Variants in PCDHA12 observed in about 807,000 individuals in gnomAD.
PCDHA12 encodes the protein protocadherin alpha 12.
PCDHA12 carries 44 observed loss-of-function variants against 60.0 expected under a neutral mutation model. That is an observed-to-expected ratio of 0.73 (90% CI 0.58 to 0.94). The LOEUF is 0.94. PCDHA12 is among the 40% of genes least tolerant of loss of function. PCDHA12 has a pLI of 0.00. For missense variants in PCDHA12, 1,276 were observed against 1,239.7 expected, an observed-to-expected ratio of 1.03 and a Z score of -0.44; for synonymous variants, 569 against 553.0, an observed-to-expected ratio of 1.03 and a Z score of -0.40.
intron 1 of PCDHA12, among the ~76,000 whole-genome samples, chr5:140,910,512 G>A (rs2075055738): frequency 6.6e-6 from 1 of 152,144 alleles, no homozygotes; most frequent in Admixed American, 6.5e-5. Flanking sequence ...GCTCTTCAAG[G>A]ATGCAGGTAC....
intron 1 of PCDHA12, among the ~76,000 whole-genome samples, chr5:140,909,495 G>A (rs532080413): frequency 7.2e-5 from 11 of 152,278 alleles, no homozygotes; most frequent in African/African-American, 2.6e-4. Context: ...AGCTGAACGG[G>A]GATGTGGTGG....
intron 1 of PCDHA12, among the ~76,000 whole-genome samples, chr5:140,950,128 A>T (rs1488144119): frequency 6.6e-6 from 1 of 151,920 alleles, no homozygotes; most frequent in Non-Finnish European, 1.5e-5. Flanking sequence ...AACCCACAAG[A>T]CACAGTTATA....
chr5:140,982,706 T>C, intron 3 of PCDHA12, 143 bp downstream of exon 3: 1 of 1,375,170 alleles, frequency 7.3e-7, no homozygotes, highest in Admixed American at 2.9e-5. Flanking sequence ...ATGATTTCCT[T>C]ACATATATGA....
At chr5:140,926,708 C>T in intron 1 of PCDHA12, 2 of 896,260 alleles carry the variant, frequency 2.2e-6, no homozygotes, top group Non-Finnish European at 3.1e-6. Flanking sequence ...CCCAGCTGGC[C>T]AGCCCCGGCA....
chr5:140,980,877 C>T (rs1321284538), intron 2 of PCDHA12, among the ~76,000 whole-genome samples: 9 of 152,186 alleles, frequency 5.9e-5, no homozygotes, highest in African/African-American at 1.7e-4. Flanking sequence ...TGGGTGTTCT[C>T]GGTCTTTCCA....
chr5:140,976,553 A>C (rs1554237789), intron 1 of PCDHA12, among the ~76,000 whole-genome samples: 1 of 152,074 alleles, frequency 6.6e-6, no homozygotes, highest in African/African-American at 2.4e-5. Flanking sequence ...CCTATCTCAT[A>C]AATAAATAAA....
chr5:140,967,793 G>A (rs1447753881), intron 1 of PCDHA12: 24 of 1,614,080 alleles, frequency 1.5e-5, no homozygotes, highest in Non-Finnish European at 1.9e-5. Flanking sequence ...CCGGGGTCCA[G>A]TGCCCATGGC....
At chr5:140,941,191 T>TTTTCTTTCTTTCTTTC (rs1217097209) in intron 1 of PCDHA12, among the ~76,000 whole-genome samples, 1 of 93,206 alleles carries the variant, frequency 1.1e-5, no homozygotes, top group Admixed American at 1.2e-4. Flanking sequence ...GCTTCTTTTT[T>TTTTCTTTCTTTCTTTC]TTTCTTTCTT....
intron 2 of PCDHA12, 36 bp downstream of exon 2, chr5:140,979,043 C>G: frequency 6.2e-7 from 1 of 1,612,500 alleles, no homozygotes. Context: ...CAGAAGTAAC[C>G]TTAACTTGGT....
chr5:140,953,443 A>G (rs1434216967), intron 1 of PCDHA12, among the ~76,000 whole-genome samples: 1 of 152,078 alleles, frequency 6.6e-6, no homozygotes, highest in Non-Finnish European at 1.5e-5. Flanking sequence ...TGGAGAAACT[A>G]GGGATTATCT....
At chr5:140,952,380 G>A (rs246035) in intron 1 of PCDHA12, among the ~76,000 whole-genome samples, 85,175 of 151,100 alleles carry the variant, frequency 0.56, 24,638 homozygotes, top group African/African-American at 0.69. Flanking sequence ...CCTCTGCCAG[G>A]TACCCTAAAC....
rs782299548 is a variant in PCDHA12 at position 140,876,879 on chromosome 5, G to T, written c.1407G>T (p.Pro469=). 1 of 1,614,150 alleles carries T rather than the reference G, an allele frequency of 6.2e-7. No homozygotes were observed. The highest frequency in any genetic ancestry group is 8.5e-7 in the Non-Finnish European group (1 of 1,180,000). The change falls in exon 1 of 4, where the codon CCG becomes CCT. Residue 469 remains proline, a synonymous_variant. Transcript: ENST00000398631. ...CAGTGTTCGTGAAGGAGAACAACCC[G>T]CCGGGCTGCCACATCTTCACGGTGT... ...EYTVFVKENN[P]PGCHIFTVSA... is the part of the protein sequence containing the mutation.
rs183230708 is a variant in PCDHA12, at chr5:140,914,004, A to G, written c.2367+36165A>G. Among the ~76,000 whole-genome samples, 112 of 152,288 alleles carry G rather than the reference A, an allele frequency of 7.4e-4. 1 individual carries two copies. Among genetic ancestry groups the G allele is most frequent in the Middle Eastern group, 6.8e-3 (2 of 294 alleles). On this transcript the variant is annotated intron_variant, in intron 1 of 3. Coordinates refer to ENST00000398631, the MANE Select transcript of PCDHA12 (RefSeq NM_018903.4). ...TTGTATTGTGACTAGCATATGGTCT[A>G]TCTTTGAGAATGATCCACGTGCTGA...
chr5:140,951,548 G>A (rs1314618918), intron 1 of PCDHA12, among the ~76,000 whole-genome samples: 1 of 151,910 alleles, frequency 6.6e-6, no homozygotes, highest in African/African-American at 2.4e-5. Flanking sequence ...AGGGACGGGG[G>A]GAAGTGCTAC....
At chr5:140,916,367 CT>C (rs1359695566) in intron 1 of PCDHA12, among the ~76,000 whole-genome samples, 1 of 152,196 alleles carries the variant, frequency 6.6e-6, no homozygotes, top group Non-Finnish European at 1.5e-5. Flanking sequence ...GAGTCTTTCA[CT>C]GTAGCCACCA....
intron 1 of PCDHA12, among the ~76,000 whole-genome samples, chr5:140,944,361 A>G (rs1463339181): frequency 6.6e-6 from 1 of 151,888 alleles, no homozygotes; most frequent in Non-Finnish European, 1.5e-5. Flanking sequence ...CTAATTTTTA[A>G]TTTTTTATAG....
intron 3 of PCDHA12, among the ~76,000 whole-genome samples, chr5:141,002,620 A>G (rs553505520): frequency 6.8e-4 from 104 of 152,336 alleles, no homozygotes; most frequent in African/African-American, 2.4e-3. Flanking sequence ...CACATAACAC[A>G]GACAGAGATA....
chr5:140,999,176 T>A (rs546665453), intron 3 of PCDHA12, among the ~76,000 whole-genome samples: 1 of 152,274 alleles, frequency 6.6e-6, no homozygotes, highest in African/African-American at 2.4e-5. Context: ...AAGAGCCTGA[T>A]GGGGAGAGGG....
chr5:140,953,093 A>T (rs2153698233), intron 1 of PCDHA12, among the ~76,000 whole-genome samples: 1 of 152,346 alleles, frequency 6.6e-6, no homozygotes, highest in East Asian at 1.9e-4. Flanking sequence ...TTACAATTTG[A>T]CATGAGATTT....
Sources: gnomAD v4.1 joint callset for allele counts (sites outside exome capture counted in the v4.1 genomes callset) on GRCh38, gnomAD v4.1.1 for gene constraint, MANE v1.5 for transcripts, NCBI Gene and HGNC (gene_info 2026-07-23, HGNC 2026-07-21) for gene names.